GPC6: variants seen among roughly 807,000 people sequenced by gnomAD.
GPC6 encodes the protein glypican 6, also known as glypican-6.
Under a neutral mutation model 55.2 loss-of-function variants are expected in GPC6, and 14 were observed. The ratio of observed to expected loss-of-function variants is 0.25; its 90% CI spans 0.17 to 0.40. GPC6 has a LOEUF of 0.40. GPC6 is among the 10% of genes least tolerant of loss of function. The probability of loss-of-function intolerance (pLI) is 1.00; values close to 1 mark genes in which losing one functional copy is unlikely to be tolerated. For missense variants in GPC6, 641 were observed against 708.5 expected, an observed-to-expected ratio of 0.90 and a Z score of 1.08; for synonymous variants, 278 against 259.6, an observed-to-expected ratio of 1.07 and a Z score of -0.68.
intron 2 of GPC6, among the ~76,000 whole-genome samples, chr13:93,671,603 T>G (rs1566478894): frequency 7.2e-6 from 1 of 138,660 alleles, no homozygotes; most frequent in Non-Finnish European, 1.7e-5. Flanking sequence ...TTTTTAAGGG[T>G]TTTTTAGGGG....
chr13:94,281,613 G>A (rs1026047677), intron 4 of GPC6, among the ~76,000 whole-genome samples: 4 of 152,068 alleles, frequency 2.6e-5, no homozygotes, highest in African/African-American at 7.2e-5. Context: ...TCTAGGGGAA[G>A]GTAAACATTC....
intron 1 of GPC6, among the ~76,000 whole-genome samples, chr13:93,312,048 C>G (rs1879087248): frequency 1.3e-5 from 2 of 152,166 alleles, no homozygotes; most frequent in Non-Finnish European, 2.9e-5. Flanking sequence ...AGGAAAGTTA[C>G]TTTGGCTTAG....
At chr13:93,955,663 T>A (rs1475406537) in intron 3 of GPC6, among the ~76,000 whole-genome samples, 3 of 152,200 alleles carry the variant, frequency 2.0e-5, no homozygotes, top group Non-Finnish European at 4.4e-5. Context: ...GCTGAGATGC[T>A]GGAGGAGGCT....
At chr13:94,301,352 G>A (rs1441290631) in intron 5 of GPC6, among the ~76,000 whole-genome samples, 1 of 152,100 alleles carries the variant, frequency 6.6e-6, no homozygotes, top group Non-Finnish European at 1.5e-5. Context: ...TGTTGTGTTT[G>A]TGCCATTGCA....
At chr13:94,281,353 C>G (rs944234337) in intron 4 of GPC6, among the ~76,000 whole-genome samples, 1 of 152,114 alleles carries the variant, frequency 6.6e-6, no homozygotes, top group Non-Finnish European at 1.5e-5. Context: ...CCCCTTCCCT[C>G]TCACTCCCCA....
intron 1 of GPC6, among the ~76,000 whole-genome samples, chr13:93,303,392 AG>A (rs1349412313): frequency 6.6e-6 from 1 of 152,224 alleles, no homozygotes; most frequent in Admixed American, 6.5e-5. Context: ...TGAAATCTTT[AG>A]GACAGTAGCT....
rs76527990 is a variant in GPC6, at chr13:94,383,045, G to T, written c.1289+495G>T. ...GGACACTGAGAAATGGTTCTAATAGGCAACACACTTTGGGAAGTCCCATCG... is the reference window on the plus strand; with the variant it reads ...GGACACTGAGAAATGGTTCTAATAGTCAACACACTTTGGGAAGTCCCATCG... On this transcript the variant is annotated intron_variant, in intron 7 of 8. Transcript: ENST00000377047. Among the ~76,000 whole-genome samples the T allele has an allele frequency of 8.1e-3, 1,232 of 152,246 alleles. 12 individuals are homozygous for T. Among genetic ancestry groups the T allele is most frequent in the African/African-American group, 0.028 (1,168 of 41,546 alleles).
intron 1 of GPC6, among the ~76,000 whole-genome samples, chr13:93,521,016 A>G (rs1881399631): frequency 6.6e-6 from 1 of 151,994 alleles, no homozygotes; most frequent in Non-Finnish European, 1.5e-5. Flanking sequence ...AACTTTAGTA[A>G]TCTAATTGTG....
chr13:93,420,620 A>G (rs992937725), intron 1 of GPC6, among the ~76,000 whole-genome samples: 4 of 152,174 alleles, frequency 2.6e-5, no homozygotes, highest in Non-Finnish European at 4.4e-5. Context: ...GGAAAGTGAC[A>G]TCTAATGTTC....
intron 1 of GPC6, among the ~76,000 whole-genome samples, chr13:93,249,826 A>G (rs150205237): frequency 1.2e-3 from 180 of 152,308 alleles, no homozygotes; most frequent in African/African-American, 4.2e-3. Context: ...GAAAATATAC[A>G]TATGTTGCAA....
At chr13:93,541,339 C>T (rs1162450394) in intron 1 of GPC6, among the ~76,000 whole-genome samples, 2 of 139,582 alleles carry the variant, frequency 1.4e-5, no homozygotes, top group East Asian at 2.1e-4. Flanking sequence ...ATCCATGTCC[C>T]TACAAAGGAC....
chr13:93,849,852 A>G (rs1287106024), intron 3 of GPC6, among the ~76,000 whole-genome samples: 2 of 152,118 alleles, frequency 1.3e-5, no homozygotes, highest in Non-Finnish European at 2.9e-5. Flanking sequence ...CCAAAATGCT[A>G]AAATGATGGG....
intron 2 of GPC6, among the ~76,000 whole-genome samples, chr13:93,772,318 A>G (rs1458660174): frequency 1.3e-5 from 2 of 152,094 alleles, no homozygotes; most frequent in African/African-American, 4.8e-5. Context: ...AGGAAGGGTC[A>G]TTGACTATTA....
intron 4 of GPC6, among the ~76,000 whole-genome samples, chr13:94,057,219 G>A (rs552161851): frequency 6.6e-6 from 1 of 152,310 alleles, no homozygotes; most frequent in South Asian, 2.1e-4. Flanking sequence ...TTGGAAGAAA[G>A]TATATCATAT....
chr13:93,940,009 G>A (rs1241820534), intron 3 of GPC6, among the ~76,000 whole-genome samples: 1 of 151,964 alleles, frequency 6.6e-6, no homozygotes, highest in Admixed American at 6.6e-5. Flanking sequence ...TAAGTTATAT[G>A]CATAACTTAT....
At chr13:93,695,068 A>C (rs2138786146) in intron 2 of GPC6, among the ~76,000 whole-genome samples, 1 of 152,290 alleles carries the variant, frequency 6.6e-6, no homozygotes, top group Admixed American at 6.5e-5. Flanking sequence ...ATCTGTGCTA[A>C]AAGAATAATC....
rs182148160 is a variant in GPC6, at chr13:93,977,433, A to C, written c.712-50296A>C. 6.7e-5 allele frequency among the ~76,000 whole-genome samples: 10 copies of C among 148,516 alleles called. No homozygotes were observed. The East Asian group carries it at 2.0e-3, about 29-fold the overall frequency. On this transcript the variant is annotated intron_variant, in intron 3 of 8. Coordinates refer to ENST00000377047, the MANE Select transcript of GPC6 (RefSeq NM_005708.5). ...AAGTGTGTGCTGTTATTCCAAGCCAAATTGGTTTTCTATGATTTGCCAAGA... is the reference window on the plus strand; with the variant it reads ...AAGTGTGTGCTGTTATTCCAAGCCACATTGGTTTTCTATGATTTGCCAAGA...
chr13:94,077,290 A>G (rs1884949882), intron 4 of GPC6, among the ~76,000 whole-genome samples: 1 of 151,804 alleles, frequency 6.6e-6, no homozygotes, highest in South Asian at 2.1e-4. Flanking sequence ...CTCATTGTTA[A>G]TGTATAGAAA....
chr13:93,801,369 G>A (rs1886362712), intron 2 of GPC6, among the ~76,000 whole-genome samples: 1 of 152,178 alleles, frequency 6.6e-6, no homozygotes. Context: ...GTGTAGAATG[G>A]TCATATCTGC....
Sources: gnomAD v4.1 joint callset for allele counts (sites outside exome capture counted in the v4.1 genomes callset) on GRCh38, gnomAD v4.1.1 for gene constraint, MANE v1.5 for transcripts, NCBI Gene and HGNC (gene_info 2026-07-23, HGNC 2026-07-21) for gene names.